The following VPS13D variants were observed in gnomAD, a reference collection of about 807,000 sequenced individuals.
The protein encoded by VPS13D is intermembrane lipid transfer protein VPS13D.
A neutral mutation model predicts 461.9 loss-of-function variants in VPS13D; 187 were observed. That is an observed-to-expected ratio of 0.40 (90% CI 0.36 to 0.46). The LOEUF (loss-of-function observed/expected upper bound fraction) is 0.46, where lower values mean the gene tolerates loss of function less well. Ranked by LOEUF, VPS13D falls within the 20% of genes least tolerant of loss-of-function variation. The probability of loss-of-function intolerance (pLI) is 0.60; values close to 1 mark genes in which losing one functional copy is unlikely to be tolerated. For synonymous variants in VPS13D, 1,951 were observed against 1,986.3 expected (o/e 0.98, Z 0.47); for missense variants, 4,711 against 5,364.9 (o/e 0.88, Z 3.81).
chr1:12,421,746 A>T (rs1021392341), intron 65 of VPS13D, among the ~76,000 whole-genome samples: 1 of 152,222 alleles, frequency 6.6e-6, no homozygotes, highest in East Asian at 1.9e-4. Context: ...AGCCAACAGC[A>T]TACTTAATTT....
chr1:12,337,747 A>G (rs1643481978), intron 39 of VPS13D: 1 of 154,066 alleles, frequency 6.5e-6, no homozygotes, highest in African/African-American at 2.4e-5. Flanking sequence ...TCCTTGGTAG[A>G]GATTGTTTAA....
At chr1:12,377,300 T>TA (rs1422090888) in intron 55 of VPS13D, among the ~76,000 whole-genome samples, 2 of 151,662 alleles carry the variant, frequency 1.3e-5, no homozygotes, top group Admixed American at 6.6e-5. Context: ...CCTCAGGTGA[T>TA]ACACCTGCCT....
intron 21 of VPS13D, among the ~76,000 whole-genome samples, chr1:12,285,958 C>G (rs1557686412): frequency 7.8e-6 from 1 of 127,478 alleles, no homozygotes; most frequent in Admixed American, 8.3e-5. Flanking sequence ...CTTTCCTTTC[C>G]TTTCCTTTCC....
rs1643884578 is a variant in VPS13D, at chr1:12,356,204, C to G, written c.9871+114C>G. The G allele has an allele frequency of 1.5e-5, 21 of 1,413,484 alleles. No homozygotes were observed. The South Asian group carries it at 2.7e-4, about 18-fold the overall frequency. 87.6% of individuals were successfully genotyped at this position (1,413,484 alleles called of 1,614,324 possible). Reference sequence around the variant, plus strand: ...AAATAGATTACTTCAACAGTCTGAGCTGCTGAAACATTCCTGCTTCCATCA... The same window carrying G: ...AAATAGATTACTTCAACAGTCTGAGGTGCTGAAACATTCCTGCTTCCATCA... On this transcript the variant is annotated intron_variant, in intron 48 of 69. Transcript: ENST00000620676.
At chr1:12,271,182 C>T (rs554779040) in intron 17 of VPS13D, 58 bp downstream of exon 17, 20 of 1,605,568 alleles carry the variant, frequency 1.2e-5, no homozygotes, top group African/African-American at 5.3e-5. Flanking sequence ...GAATTCTTTC[C>T]GTCAAGTCAC....
At chr1:12,341,079 T>C (rs1417788736) in intron 40 of VPS13D, among the ~76,000 whole-genome samples, 1 of 152,212 alleles carries the variant, frequency 6.6e-6, no homozygotes, top group Non-Finnish European at 1.5e-5. Flanking sequence ...CAGTTTTGTA[T>C]TGATTGTTGT....
At chr1:12,330,350 G>A (rs1273078262) in intron 37 of VPS13D, among the ~76,000 whole-genome samples, 1 of 152,030 alleles carries the variant, frequency 6.6e-6, no homozygotes, top group African/African-American at 2.4e-5. Flanking sequence ...GGCAGGCGGA[G>A]GTTGCAGTGA....
rs1217192104 is a variant in VPS13D at position 12,374,011 on chromosome 1, C to T, written c.10917+153C>T. Among the ~76,000 whole-genome samples, 8 of 152,230 alleles carry T rather than the reference C, an allele frequency of 5.3e-5. No individual in the cohort carries two copies. The East Asian group carries it at 1.2e-3, about 22-fold the overall frequency. On this transcript the variant is annotated intron_variant, in intron 55 of 69. Coordinates refer to ENST00000620676, the MANE Select transcript of VPS13D (RefSeq NM_015378.4). ...TGGCATTTCCAGGTCAGTGTTAGGG[C>T]GGATGAGTACCAGCTCAGGAGTAAG... is the stretch of plus-strand genomic sequence containing the variant.
intron 62 of VPS13D, among the ~76,000 whole-genome samples, chr1:12,402,278 CA>C (rs1323417434): frequency 5.9e-5 from 9 of 152,182 alleles, no homozygotes; most frequent in African/African-American, 1.9e-4. Context: ...AGGTTTCCAG[CA>C]GTGCTACAGA....
intron 63 of VPS13D, chr1:12,410,008 G>T: frequency 2.3e-6 from 1 of 430,792 alleles, no homozygotes; most frequent in South Asian, 1.7e-5. Flanking sequence ...GGCAGAGAAT[G>T]CAAGTAAAGC....
intron 22 of VPS13D, among the ~76,000 whole-genome samples, chr1:12,288,577 T>G (rs539801820): frequency 2.0e-5 from 3 of 151,960 alleles, no homozygotes; most frequent in Non-Finnish European, 2.9e-5. Context: ...AGAATCTGAT[T>G]AAGTTGAGAT....
At chr1:12,352,468 T>C (rs1244837326) in intron 46 of VPS13D, among the ~76,000 whole-genome samples, 1 of 151,486 alleles carries the variant, frequency 6.6e-6, no homozygotes, top group African/African-American at 2.4e-5. Flanking sequence ...AATAGACAAA[T>C]GGAAAGATGC....
At position 12,271,040 on chromosome 1, in the gene VPS13D, C is replaced by T; in HGVS notation, c.2019C>T (p.Ala673=). ...TTGAGCTGAGAGTGGCTGAAGCTGC[C>T]CGAAGACAATATAACAAGCTGAAGA... is the stretch of plus-strand genomic sequence containing the variant. ...SELELRVAEA[A]RRQYNKLKMQ... is the part of the protein sequence containing the mutation. The change falls in exon 17 of 70, where the codon GCC becomes GCT. Residue 673 remains alanine, a synonymous_variant. Coordinates refer to ENST00000620676, the MANE Select transcript of VPS13D (RefSeq NM_015378.4). The T allele has an allele frequency of 6.2e-7, 1 of 1,613,848 alleles. No individual in the cohort carries two copies. The highest frequency in any genetic ancestry group is 2.2e-5 in the East Asian group (1 of 44,864).
Position 12,237,145 on chromosome 1 carries a change from G to A in VPS13D, c.97+2782G>A, listed in dbSNP as rs189058323. Among the ~76,000 whole-genome samples the A allele has an allele frequency of 8.2e-3, 1,235 of 149,838 alleles. 6 individuals are homozygous for A. Among genetic ancestry groups the A allele is most frequent in the Non-Finnish European group, 0.015 (993 of 67,924 alleles). On this transcript the variant is annotated intron_variant, in intron 2 of 69. Coordinates refer to ENST00000620676, the MANE Select transcript of VPS13D (RefSeq NM_015378.4). ...TCTGTGTGTGTATATATATGTGTGT[G>A]TGTATATATATGTAGATTGCATCCA...
intron 51 of VPS13D, 91 bp downstream of exon 51, chr1:12,362,941 C>A: frequency 6.3e-7 from 1 of 1,589,656 alleles, no homozygotes; most frequent in Non-Finnish European, 8.6e-7. Context: ...TTCTGTGATG[C>A]AAGTAACTGC....
chr1:12,296,674 T>C (rs537510634), intron 24 of VPS13D, among the ~76,000 whole-genome samples: 4 of 152,232 alleles, frequency 2.6e-5, no homozygotes, highest in Non-Finnish European at 5.9e-5. Context: ...TTTCACTTTT[T>C]GAATTATGTT....
At chr1:12,436,595 ATTG>A (rs1387760836) in intron 65 of VPS13D, among the ~76,000 whole-genome samples, 3 of 152,186 alleles carry the variant, frequency 2.0e-5, no homozygotes, top group African/African-American at 7.2e-5. Flanking sequence ...TGAGCCTAGT[ATTG>A]TTATTTGTCA....
intron 25 of VPS13D, among the ~76,000 whole-genome samples, chr1:12,301,742 A>G (rs1212676643): frequency 6.6e-6 from 1 of 152,148 alleles, no homozygotes; most frequent in Non-Finnish European, 1.5e-5. Context: ...CCAACCCTCT[A>G]ATCACACGGT....
At chr1:12,450,482 A>G (rs914144173) in intron 65 of VPS13D, among the ~76,000 whole-genome samples, 1 of 152,178 alleles carries the variant, frequency 6.6e-6, no homozygotes, top group Non-Finnish European at 1.5e-5. Context: ...TTTTGACTTG[A>G]CGATGACGTA....
Sources: gnomAD v4.1 joint callset for allele counts (sites outside exome capture counted in the v4.1 genomes callset) on GRCh38, gnomAD v4.1.1 for gene constraint, MANE v1.5 for transcripts, NCBI Gene and HGNC (gene_info 2026-07-23, HGNC 2026-07-21) for gene names.